ATP2A1: variants seen among roughly 807,000 people sequenced by gnomAD.
ATP2A1 encodes the protein ATPase sarcoplasmic/endoplasmic reticulum Ca2+ transporting 1, also known as sarcoplasmic/endoplasmic reticulum calcium ATPase 1.
ATP2A1 carries 83 observed loss-of-function variants against 109.5 expected under a neutral mutation model. The observed-to-expected ratio is 0.76, with a 90% CI of 0.63 to 0.91. ATP2A1 has a LOEUF of 0.91. Among genes scored for constraint, ATP2A1 ranks in the 40% least tolerant of loss-of-function variants. The pLI, the probability that ATP2A1 is intolerant of heterozygous loss-of-function variation, is 0.00. For missense variants in ATP2A1, 1,101 were observed against 1,341.0 expected (o/e 0.82, Z 2.80); for synonymous variants, 505 against 537.6 (o/e 0.94, Z 0.84).
intron 7 of ATP2A1, 63 bp downstream of exon 7, chr16:28,887,337 A>C: frequency 6.2e-7 from 1 of 1,612,818 alleles, no homozygotes; most frequent in Non-Finnish European, 8.5e-7. Flanking sequence ...TTGGAGAGAA[A>C]CATGGCGTGT....
At chr16:28,892,403 A>G in intron 9 of ATP2A1, 1 of 373,388 alleles carries the variant, frequency 2.7e-6, no homozygotes, top group Non-Finnish European at 5.4e-6. Flanking sequence ...TGCTGTTCTG[A>G]GAAGCAAGGG....
Position 28,902,166 on chromosome 16 carries a change from A to C in ATP2A1, c.2322-18A>C. 6.2e-7 allele frequency: 1 copy of C among 1,613,788 alleles called. No individual in the cohort carries two copies. The highest frequency in any genetic ancestry group is 2.2e-5 in the East Asian group (1 of 44,878). On this transcript the variant is annotated intron_variant, in intron 16 of 22. Transcript: ENST00000395503. The surrounding 1 kb of genome is among the most constrained non-coding windows in gnomAD (Gnocchi z 4.8). The stretch of plus-strand genomic sequence containing the variant: ...GTCTGGGAGGCAGGACAGAGGTGTG[A>C]CCACCTCCTTCCCACAGTATCTTCC...
intron 4 of ATP2A1, 72 bp downstream of exon 4, chr16:28,881,091 C>T (rs1035294655): frequency 3.5e-6 from 5 of 1,443,072 alleles, no homozygotes; most frequent in East Asian, 4.5e-5. Context: ...CTCCAGTCTC[C>T]TCCTCCTCCA....
chr16:28,897,236 C>T (rs756526952), intron 12 of ATP2A1, among the ~76,000 whole-genome samples: 4 of 152,134 alleles, frequency 2.6e-5, no homozygotes, highest in Non-Finnish European at 5.9e-5. Flanking sequence ...TGGTTCATGC[C>T]TGTAATCCCA....
chr16:28,903,502 G>A lies in ATP2A1; in HGVS notation c.2980+62G>A, dbSNP rs1485869869. 6.7e-6 allele frequency: 9 copies of A among 1,349,112 alleles called. No individual in the cohort carries two copies. The highest frequency in any genetic ancestry group is 1.9e-4 in the Middle Eastern group (1 of 5,400). The allele number at this position is 1,349,112 out of a possible 1,614,324, so 83.6% of individuals were successfully genotyped here. On this transcript the variant is annotated intron_variant, in intron 21 of 22. Transcript: ENST00000395503. The surrounding 1 kb of genome is among the most constrained non-coding windows in gnomAD (Gnocchi z 5.6). ...ACCACAGCCCCTTCCCCATGACGCC[G>A]CCCCCGCCCCGCCCCGTACTTTGCA...
intron 6 of ATP2A1, among the ~76,000 whole-genome samples, chr16:28,886,784 C>A (rs1310221468): frequency 6.8e-6 from 1 of 148,018 alleles, no homozygotes; most frequent in African/African-American, 2.5e-5. Context: ...GTCAGGAGTT[C>A]GAGACCAGCC....
At chr16:28,879,894 CGATGCCGGCTGCGGCGCGGG>C in intron 3 of ATP2A1, 6 of 711,280 alleles carry the variant, frequency 8.4e-6, no homozygotes, top group Non-Finnish European at 1.1e-5. Context: ...GGTCCCGCCG[CGATGCCGGCTGCGGCGCGGG>C]GGGCCACTGC....
intron 9 of ATP2A1, among the ~76,000 whole-genome samples, chr16:28,893,314 G>A (rs1257112664): frequency 2.0e-5 from 3 of 152,044 alleles, no homozygotes; most frequent in Admixed American, 2.0e-4. Context: ...GCTGAGGTGG[G>A]AGGATCACTT....
chr16:28,890,091 G>A (rs1179770611), intron 9 of ATP2A1, among the ~76,000 whole-genome samples: 3 of 152,014 alleles, frequency 2.0e-5, no homozygotes, highest in East Asian at 1.9e-4. Flanking sequence ...GCAGTGAGCC[G>A]AGATCGCGCC....
chr16:28,883,899 G>A lies in ATP2A1; in HGVS notation c.464-676G>A, dbSNP rs796524028. ...GCTCAGACCGGGCTGTCAGGTTCCC[G>A]ATATGTGGTCCTCTCCATGACCACC... On this transcript the variant is annotated intron_variant, in intron 5 of 22. Coordinates refer to ENST00000395503, the MANE Select transcript of ATP2A1 (RefSeq NM_004320.6). The surrounding 1 kb of genome is among the most constrained non-coding windows in gnomAD (Gnocchi z 5.2). 1.3e-5 allele frequency among the ~76,000 whole-genome samples: 2 copies of A among 152,034 alleles called. No homozygotes were observed. Among genetic ancestry groups the A allele is most frequent in the African/African-American group, 2.4e-5 (1 of 41,474 alleles).
intron 3 of ATP2A1, chr16:28,879,887 C>A (rs545361733): frequency 1.1e-5 from 7 of 663,884 alleles, no homozygotes; most frequent in African/African-American, 7.8e-5. Context: ...GGCTCCGGGT[C>A]CCGCCGCGAT....
intron 9 of ATP2A1, among the ~76,000 whole-genome samples, chr16:28,893,626 T>C (rs1963835778): frequency 6.6e-6 from 1 of 151,066 alleles, no homozygotes; most frequent in Non-Finnish European, 1.5e-5. Context: ...CAGCACAGCC[T>C]GCGGTCACTC....
rs773425086 is a variant in ATP2A1, at chr16:28,903,400, C to G, written c.2940C>G (p.Leu980=). Residue 980 remains leucine (L), a synonymous_variant, in exon 21 of 23, where the codon CTC becomes CTG. Transcript: ENST00000395503. This position sits in a 1 kb window ranked among gnomAD's most constrained non-coding sequence, Gnocchi z 5.6. ...AGATCTCACTGCCAGTCATTGGGCT[C>G]GACGAAATCCTCAAGTTCGTTGCTC... ...VLKISLPVIG[L]DEILKFVARN... 6.2e-7 allele frequency: 1 copy of G among 1,613,878 alleles called. No individual in the cohort carries two copies. Among genetic ancestry groups the G allele is most frequent in the African/African-American group, 1.3e-5 (1 of 74,874 alleles).
chr16:28,879,010 C>CT (rs1331998287), intron 1 of ATP2A1, 89 bp from the exon 2 acceptor site: 1 of 1,561,262 alleles, frequency 6.4e-7, no homozygotes, highest in Non-Finnish European at 8.8e-7. Context: ...TCAAGGTGGC[C>CT]TGATTCTCTT....
Position 28,900,633 on chromosome 16 carries a change from A to T in ATP2A1, c.1817A>T (p.Glu606Val), listed in dbSNP as rs761174225. The change falls in exon 15 of 23, where the codon GAG becomes GTG. Residue 606 changes from glutamate (E) to valine (V), a missense_variant. Coordinates refer to ENST00000395503, the MANE Select transcript of ATP2A1 (RefSeq NM_004320.6). The part of the protein sequence containing the change: ...VVGMLDPPRK[E>V]VTGSIQLCRD... ...GGCATGCTGGACCCTCCGCGCAAGG[A>T]GGTCACGGGCTCCATCCAGCTGTGC... 6 of 1,598,918 alleles carry T rather than the reference A, an allele frequency of 3.8e-6. No homozygotes were observed. Among genetic ancestry groups the T allele is most frequent in the African/African-American group, 2.7e-5 (2 of 74,726 alleles).
At chr16:28,887,397 A>G in intron 7 of ATP2A1, 28 bp from the exon 8 acceptor site, 1 of 1,613,812 alleles carries the variant, frequency 6.2e-7, no homozygotes, top group Non-Finnish European at 8.5e-7. Context: ...CTCTTGCCTG[A>G]TTCCCTGCCT....
At chr16:28,896,495 C>T (rs1012189479) in intron 12 of ATP2A1, among the ~76,000 whole-genome samples, 3 of 152,020 alleles carry the variant, frequency 2.0e-5, no homozygotes, top group Non-Finnish European at 1.5e-5. Context: ...TCACTGCAAC[C>T]TCCGCCTCCT....
At position 28,903,418 on chromosome 16, in the gene ATP2A1, C is replaced by T. The variant is rs374856682; in HGVS notation, c.2958C>T (p.Phe986=). The T allele has an allele frequency of 9.3e-6, 15 of 1,613,782 alleles. No individual in the cohort carries two copies. In the African/African-American group the frequency reaches 1.2e-4, roughly 13 times the overall value. ...PVIGLDEILK[F]VARNYLEG ...TTGGGCTCGACGAAATCCTCAAGTT[C>T]GTTGCTCGGAACTACCTAGAGGGTA... Residue 986 remains phenylalanine (F), a synonymous_variant, in exon 21 of 23, where the codon TTC becomes TTT. Coordinates refer to ENST00000395503, the MANE Select transcript of ATP2A1 (RefSeq NM_004320.6). This position sits in a 1 kb window ranked among gnomAD's most constrained non-coding sequence, Gnocchi z 5.6.
rs1359432121 is a variant in ATP2A1, at chr16:28,880,382, C to T, written c.220-533C>T. On this transcript the variant is annotated intron_variant, in intron 3 of 22. Coordinates refer to ENST00000395503, the MANE Select transcript of ATP2A1 (RefSeq NM_004320.6). The surrounding 1 kb of genome is among the most constrained non-coding windows in gnomAD (Gnocchi z 4.2). ...GCTGGCAGGGCCTCTCCTCTCCCTT[C>T]TCAGATTTGCTCCTTGACATTTGCC... 6.6e-6 allele frequency among the ~76,000 whole-genome samples: 1 copy of T among 152,264 alleles called. No homozygotes were observed.
Sources: allele counts gnomAD v4.1 joint callset (sites outside exome capture counted in the v4.1 genomes callset), GRCh38; gene constraint gnomAD v4.1.1; non-coding constraint Gnocchi (gnomAD v3.1); transcripts MANE v1.5; gene names NCBI Gene and HGNC (gene_info 2026-07-23, HGNC 2026-07-21).